KITLG: variants seen among roughly 807,000 people sequenced by gnomAD.
The protein encoded by KITLG is c-Kit ligand.
Under a neutral mutation model 34.1 loss-of-function variants are expected in KITLG, and 13 were observed. That is an observed-to-expected ratio of 0.38 (90% CI 0.25 to 0.61). KITLG has a LOEUF of 0.61. Among genes scored for constraint, KITLG ranks in the 20% least tolerant of loss-of-function variants. The pLI is 0.60. For synonymous variants in KITLG, 110 were observed against 104.0 expected (o/e 1.06, Z -0.35); for missense variants, 292 against 318.9 (o/e 0.92, Z 0.64).
intron 2 of KITLG, among the ~76,000 whole-genome samples, chr12:88,535,662 G>A (rs779759312): frequency 1.3e-5 from 2 of 152,182 alleles, no homozygotes; most frequent in African/African-American, 2.4e-5. Flanking sequence ...ATTTGTGGTC[G>A]CTTAATAAAT....
intron 1 of KITLG, among the ~76,000 whole-genome samples, chr12:88,576,424 T>C (rs1160133647): frequency 6.6e-6 from 1 of 152,194 alleles, no homozygotes; most frequent in African/African-American, 2.4e-5. Context: ...CTCTGGCTTG[T>C]AAAAGTAGGC....
At chr12:88,564,914 GC>G (rs1871397675) in intron 1 of KITLG, among the ~76,000 whole-genome samples, 1 of 152,136 alleles carries the variant, frequency 6.6e-6, no homozygotes, top group Admixed American at 6.6e-5. Context: ...TAGTATTACT[GC>G]CTTGAGTCAC....
intron 3 of KITLG, among the ~76,000 whole-genome samples, chr12:88,523,972 G>T (rs1245122959): frequency 1.3e-5 from 2 of 152,180 alleles, no homozygotes; most frequent in Admixed American, 1.3e-4. Context: ...CCTATAAATG[G>T]CCCCTAGGCC....
At chr12:88,564,572 C>G (rs1219174650) in intron 1 of KITLG, among the ~76,000 whole-genome samples, 1 of 152,092 alleles carries the variant, frequency 6.6e-6, no homozygotes, top group Non-Finnish European at 1.5e-5. Context: ...TCATTGCTCA[C>G]CATTTGTGTG....
At chr12:88,562,922 CT>C (rs1871341328) in intron 1 of KITLG, among the ~76,000 whole-genome samples, 1 of 152,136 alleles carries the variant, frequency 6.6e-6, no homozygotes. Flanking sequence ...AGTGGAGTTT[CT>C]TTCCTTTATT....
chr12:88,493,808 T>C lies in KITLG; in HGVS notation c.*3411A>G, dbSNP rs1868500543. The C allele has an allele frequency of 6.6e-6, 1 of 151,932 alleles. No individual in the cohort carries two copies. Among genetic ancestry groups the C allele is most frequent in the African/African-American group, 2.4e-5 (1 of 41,440 alleles). 9.4% of individuals were successfully genotyped at this position (151,932 alleles called of 1,614,324 possible). A position where few individuals can be genotyped will look rare whatever the true frequency, so the allele number is the denominator to read the frequency against. The stretch of plus-strand genomic sequence containing the variant: ...TAATATGACTAAAACGTACTACTGG[T>C]TTTCATTCTTTGGAGGTGATCCAAA... On this transcript the variant is annotated 3_prime_UTR_variant, in exon 10 of 10. Coordinates refer to ENST00000644744, the MANE Select transcript of KITLG (RefSeq NM_000899.5).
At chr12:88,566,322 G>C (rs1418272736) in intron 1 of KITLG, among the ~76,000 whole-genome samples, 2 of 152,206 alleles carry the variant, frequency 1.3e-5, no homozygotes, top group African/African-American at 4.8e-5. Flanking sequence ...TAAATTCATA[G>C]TTTAGTTCAG....
intron 1 of KITLG, among the ~76,000 whole-genome samples, chr12:88,571,718 T>A (rs938773895): frequency 1.3e-5 from 2 of 152,212 alleles, no homozygotes; most frequent in South Asian, 2.1e-4. Context: ...ACTGCAATCA[T>A]GAAATTTTTG....
At position 88,493,861 on chromosome 12, in the gene KITLG, A is replaced by G. The variant is rs1015398012; in HGVS notation, c.*3358T>C. 2.6e-5 allele frequency: 4 copies of G among 151,942 alleles called. No homozygotes were observed. The highest frequency in any genetic ancestry group is 9.7e-5 in the African/African-American group (4 of 41,416). 9.4% of individuals were successfully genotyped at this position (151,942 alleles called of 1,614,324 possible). Reference sequence around the variant, plus strand: ...GTTTATTCAAGCAAAGGAAAAAGCCATCTCTTGTGTAAATGGTGATCCAAT... The same window carrying G: ...GTTTATTCAAGCAAAGGAAAAAGCCGTCTCTTGTGTAAATGGTGATCCAAT... On this transcript the variant is annotated 3_prime_UTR_variant, in exon 10 of 10. Coordinates refer to ENST00000644744, the MANE Select transcript of KITLG (RefSeq NM_000899.5).
In KITLG at chr12:88,519,599, T is replaced by TTTTA. The variant is rs532269679; in HGVS notation, c.193-736_193-733dup. 2.7e-3 allele frequency among the ~76,000 whole-genome samples: 409 copies of TTTTA among 151,984 alleles called. 7 individuals are homozygous for TTTTA. The South Asian group carries it at 0.05, about 19-fold the overall frequency. On this transcript the variant is annotated intron_variant, in intron 3 of 9. Transcript: ENST00000644744. Reference sequence around the variant, plus strand: ...ATATCTCTGTGGGAAAAGTCAAGCCTTTTATTTATTTATTTATTTATTTAT... The same window carrying TTTTA: ...ATATCTCTGTGGGAAAAGTCAAGCCTTTTATTTATTTATTTATTTATTTATTTAT...
At chr12:88,531,443 G>T (rs1870087756) in intron 3 of KITLG, among the ~76,000 whole-genome samples, 1 of 152,134 alleles carries the variant, frequency 6.6e-6, no homozygotes, top group Admixed American at 6.6e-5. Flanking sequence ...CAATGGTAAG[G>T]TTTGATAAGC....
intron 1 of KITLG, among the ~76,000 whole-genome samples, chr12:88,577,334 A>T (rs1250484062): frequency 6.6e-6 from 1 of 152,160 alleles, no homozygotes; most frequent in African/African-American, 2.4e-5. Flanking sequence ...TGCAAGATCA[A>T]TCTTTCTTAT....
At chr12:88,516,689 T>C (rs1162221101) in intron 4 of KITLG, among the ~76,000 whole-genome samples, 199 bp from the exon 5 acceptor site, 2 of 151,696 alleles carry the variant, frequency 1.3e-5, no homozygotes, top group East Asian at 3.9e-4. Flanking sequence ...AAGTTGAATC[T>C]GGGGCAGTGA....
At chr12:88,544,534 C>T (rs983142221) in intron 2 of KITLG, among the ~76,000 whole-genome samples, 7 of 151,916 alleles carry the variant, frequency 4.6e-5, no homozygotes, top group African/African-American at 1.4e-4. Flanking sequence ...GTACTCCCCC[C>T]TCACCCCCAT....
Position 88,534,730 on chromosome 12 carries a change from T to C in KITLG, c.130-2227A>G, listed in dbSNP as rs564474737. On this transcript the variant is annotated intron_variant, in intron 2 of 9. Transcript: ENST00000644744. ...ATGACGGCATTTTTGTTCATTTATTTTTGGCGTTAACTCCCTTATTCTTTA... is the reference window on the plus strand; with the variant it reads ...ATGACGGCATTTTTGTTCATTTATTCTTGGCGTTAACTCCCTTATTCTTTA... 8.3e-4 allele frequency: 428 copies of C among 513,334 alleles called. 6 individuals are homozygous for C. The highest frequency in any genetic ancestry group is 4.4e-3 in the South Asian group (308 of 70,464). The allele number at this position is 513,334 out of a possible 1,614,324, so 31.8% of individuals were successfully genotyped here.
intron 2 of KITLG, among the ~76,000 whole-genome samples, chr12:88,543,646 G>C (rs1870600541): frequency 1.3e-5 from 2 of 152,046 alleles, no homozygotes. Context: ...CACTCACCCA[G>C]CAAACATTTA....
At chr12:88,534,452 C>T (rs1193021328) in intron 2 of KITLG, among the ~76,000 whole-genome samples, 1 of 152,082 alleles carries the variant, frequency 6.6e-6, no homozygotes. Flanking sequence ...TGGCTCACTC[C>T]AACCTCCACC....
intron 1 of KITLG, among the ~76,000 whole-genome samples, chr12:88,549,546 G>A (rs2407206): frequency 0.67 from 101,959 of 152,024 alleles, 37,344 homozygotes; most frequent in Middle Eastern, 0.87. Flanking sequence ...AAGAACTTTG[G>A]TATGGAAAGA....
intron 1 of KITLG, among the ~76,000 whole-genome samples, chr12:88,571,233 C>T (rs1871640062): frequency 6.6e-6 from 1 of 152,130 alleles, no homozygotes; most frequent in Non-Finnish European, 1.5e-5. Context: ...GGAAACAATG[C>T]TCTATTAAGT....
Sources: gnomAD v4.1 joint callset for allele counts (sites outside exome capture counted in the v4.1 genomes callset) on GRCh38, gnomAD v4.1.1 for gene constraint, MANE v1.5 for transcripts, NCBI Gene and HGNC (gene_info 2026-07-23, HGNC 2026-07-21) for gene names.